CLDN10: variants seen among roughly 807,000 people sequenced by gnomAD.
CLDN10 encodes claudin-10.
Under a neutral mutation model 22.9 loss-of-function variants are expected in CLDN10, and 15 were observed. The observed-to-expected ratio is 0.65, with a 90% CI of 0.44 to 1.01. The LOEUF is 1.01. CLDN10 is among the 50% of genes least tolerant of loss of function. The probability of loss-of-function intolerance (pLI) is 0.00; values close to 1 mark genes in which losing one functional copy is unlikely to be tolerated. For missense variants in CLDN10, 247 were observed against 287.8 expected (o/e 0.86, Z 1.03); for synonymous variants, 114 against 111.4 (o/e 1.02, Z -0.15).
At chr13:95,510,123 A>C (rs1374478681) in intron 1 of CLDN10, among the ~76,000 whole-genome samples, 1 of 152,220 alleles carries the variant, frequency 6.6e-6, no homozygotes, top group Non-Finnish European at 1.5e-5. Context: ...AGCTTCTGAG[A>C]CTGAGATGAG....
intron 1 of CLDN10, among the ~76,000 whole-genome samples, chr13:95,445,677 G>A (rs947927386): frequency 3.9e-5 from 6 of 152,198 alleles, no homozygotes; most frequent in Non-Finnish European, 8.8e-5. Flanking sequence ...CAGTCAGTCA[G>A]TTTCTTAACT....
chr13:95,458,050 G>C (rs754569566), intron 1 of CLDN10, among the ~76,000 whole-genome samples: 18 of 152,314 alleles, frequency 1.2e-4, no homozygotes, highest in Non-Finnish European at 2.2e-4. Context: ...GCTGACCTTA[G>C]ATGAGGTTGG....
intron 3 of CLDN10, among the ~76,000 whole-genome samples, chr13:95,567,171 G>A (rs1190605370): frequency 1.3e-5 from 2 of 152,140 alleles, no homozygotes; most frequent in Non-Finnish European, 2.9e-5. Context: ...GTCAATGGTA[G>A]CTTGATGGGG....
chr13:95,555,936 A>C (rs575952972), intron 1 of CLDN10, among the ~76,000 whole-genome samples: 1 of 152,134 alleles, frequency 6.6e-6, no homozygotes, highest in Non-Finnish European at 1.5e-5. Context: ...TATGAGCTCT[A>C]GATTGGGAAG....
At chr13:95,563,035 A>G (rs9525026) in intron 3 of CLDN10, among the ~76,000 whole-genome samples, 39,903 of 151,362 alleles carry the variant, frequency 0.26, 6,281 homozygotes, top group Non-Finnish European at 0.35. Context: ...TCTTGGTGCT[A>G]CATTGGCTAT....
chr13:95,550,342 G>A (rs748481104), upstream of CLDN10, among the ~76,000 whole-genome samples: 1 of 152,106 alleles, frequency 6.6e-6, no homozygotes, highest in Non-Finnish European at 1.5e-5. Context: ...CCAAACAGTG[G>A]ACTTCATAGC....
chr13:95,524,948 C>T (rs533416716), intron 1 of CLDN10, among the ~76,000 whole-genome samples: 1 of 152,002 alleles, frequency 6.6e-6, no homozygotes, highest in South Asian at 2.1e-4. Context: ...CAACCTCCAC[C>T]CCCCGGGTTC....
At chr13:95,437,829 G>A (rs1000054456) in intron 1 of CLDN10, among the ~76,000 whole-genome samples, 2 of 152,110 alleles carry the variant, frequency 1.3e-5, no homozygotes, top group Non-Finnish European at 1.5e-5. Context: ...ATGACTTGCT[G>A]TGAGACCTTG....
chr13:95,478,712 C>A (rs1015207334), intron 1 of CLDN10, among the ~76,000 whole-genome samples: 7 of 152,316 alleles, frequency 4.6e-5, no homozygotes, highest in Middle Eastern at 3.4e-3. Flanking sequence ...TGGTGACTTG[C>A]AGTATGGCAC....
At chr13:95,477,863 G>T (rs1429355971) in intron 1 of CLDN10, among the ~76,000 whole-genome samples, 1 of 152,314 alleles carries the variant, frequency 6.6e-6, no homozygotes, top group East Asian at 1.9e-4. Context: ...TGGAGGAGGA[G>T]GAGGAAAACG....
chr13:95,552,516 CG>C (rs200789022), upstream of CLDN10, among the ~76,000 whole-genome samples: 3,368 of 152,256 alleles, frequency 0.022, 128 homozygotes, highest in African/African-American at 0.076. Context: ...CACGCGGGCG[CG>C]GGCCAGCTGC....
chr13:95,436,212 C>T (rs1413460421), intron 1 of CLDN10, among the ~76,000 whole-genome samples: 1 of 152,114 alleles, frequency 6.6e-6, no homozygotes, highest in South Asian at 2.1e-4. Flanking sequence ...GAGACAGAAC[C>T]TTGCTTTGTT....
At chr13:95,471,382 A>AT (rs2042629840) in intron 1 of CLDN10, among the ~76,000 whole-genome samples, 1 of 148,376 alleles carries the variant, frequency 6.7e-6, no homozygotes, top group Non-Finnish European at 1.5e-5. Flanking sequence ...GTATATATAT[A>AT]ACATACACAC....
rs142907955 is a variant in CLDN10, at chr13:95,552,951, C to A, written c.198C>A (p.Phe66Leu). ...CGGGCGTCTCCAACTGCAAGGACTT[C>A]CCCTCCATGCTGGCGCTGGACGGTC... ...DSTGVSNCKD[F>L]PSMLALDGYI... Residue 66 changes from phenylalanine (F) to leucine (L), a missense_variant, in exon 1 of 5, where the codon TTC (phenylalanine) becomes TTA (leucine). Coordinates refer to ENST00000299339, the MANE Select transcript of CLDN10 (RefSeq NM_006984.5). 1.8e-5 allele frequency: 29 copies of A among 1,613,928 alleles called. No homozygotes were observed. In the African/African-American group the frequency reaches 2.0e-4, roughly 11 times the overall value.
In CLDN10 at chr13:95,538,743, A is replaced by G. The variant is rs117036016; in HGVS notation, c.215-21389A>G. Among the ~76,000 whole-genome samples, 462 of 152,134 alleles carry G rather than the reference A, an allele frequency of 3.0e-3. 6 individuals are homozygous for G. In the East Asian group the frequency reaches 0.039, roughly 13 times the overall value. ...CATGACTCCTCCTCTTCCTCTGCCT[A>G]TTGCTATAGCCAACACCGTTGTCCT... On this transcript the variant is annotated intron_variant, in intron 1 of 4. Coordinates refer to the CLDN10 transcript ENST00000376873.
At chr13:95,526,672 C>T (rs1231584640) in intron 1 of CLDN10, among the ~76,000 whole-genome samples, 1 of 152,090 alleles carries the variant, frequency 6.6e-6, no homozygotes, top group Non-Finnish European at 1.5e-5. Context: ...CCTGGAATCA[C>T]AGCTACTCGG....
intron 1 of CLDN10, among the ~76,000 whole-genome samples, chr13:95,438,410 CT>C (rs941712206): frequency 2.2e-4 from 33 of 152,244 alleles, no homozygotes; most frequent in Non-Finnish European, 4.1e-4. Flanking sequence ...CTGCCAAGGC[CT>C]TTTTTTCCCC....
At chr13:95,553,241 C>T (rs2043590323) in intron 1 of CLDN10, among the ~76,000 whole-genome samples, 1 of 152,116 alleles carries the variant, frequency 6.6e-6, no homozygotes, top group African/African-American at 2.4e-5. Flanking sequence ...TCCCAGGCGT[C>T]GGGGGATGGG....
intron 3 of CLDN10, among the ~76,000 whole-genome samples, chr13:95,570,871 T>C (rs1457613349): frequency 1.4e-5 from 2 of 146,478 alleles, no homozygotes; most frequent in Admixed American, 6.8e-5. Context: ...TATATATATA[T>C]ATATATATAT....
Sources: allele counts gnomAD v4.1 joint callset (sites outside exome capture counted in the v4.1 genomes callset), GRCh38; gene constraint gnomAD v4.1.1; transcripts MANE v1.5; gene names NCBI Gene and HGNC (gene_info 2026-07-23, HGNC 2026-07-21).